CDH23: variants seen among roughly 807,000 people sequenced by gnomAD.
CDH23 encodes the protein cadherin related 23.
A neutral mutation model predicts 317.1 loss-of-function variants in CDH23; 189 were observed. The ratio of observed to expected loss-of-function variants is 0.60; its 90% CI spans 0.53 to 0.67. The LOEUF (loss-of-function observed/expected upper bound fraction) is 0.67, where lower values mean the gene tolerates loss of function less well. Ranked by LOEUF, CDH23 falls within the 30% of genes least tolerant of loss-of-function variation. The pLI is 0.00. For synonymous variants in CDH23, 1,839 were observed against 1,876.8 expected (o/e 0.98, Z 0.52); for missense variants, 4,401 against 4,592.4 (o/e 0.96, Z 1.20).
chr10:71,484,206 AATGC>A (rs1418145594), intron 3 of CDH23, among the ~76,000 whole-genome samples: 1 of 152,180 alleles, frequency 6.6e-6, no homozygotes, highest in Non-Finnish European at 1.5e-5. Context: ...TAATAACTGT[AATGC>A]CAGCATCATT....
At position 71,793,392 on chromosome 10, in the gene CDH23, C is replaced by CG; in HGVS notation, c.6467dup (p.Thr2157HisfsTer10). On this transcript the variant is annotated frameshift_variant, in exon 48 of 70. Coordinates refer to ENST00000224721, the MANE Select transcript of CDH23 (RefSeq NM_022124.6). LOFTEE classifies it high-confidence loss of function. ...ACCGACCGGGGCACCGTTCCTCTCT[C>CG]GGGCACAGCCATTGTCACCATTCTG... 1 of 1,613,992 alleles carries CG rather than the reference C, an allele frequency of 6.2e-7. No homozygotes were observed.
chr10:71,681,943 G>A (rs531342728), intron 17 of CDH23, among the ~76,000 whole-genome samples: 2 of 152,328 alleles, frequency 1.3e-5, no homozygotes, highest in East Asian at 3.9e-4. Flanking sequence ...CCTGGAGAGA[G>A]GAGTAGTGAC....
At chr10:71,587,171 C>T (rs957347218) in intron 9 of CDH23, among the ~76,000 whole-genome samples, 1 of 152,218 alleles carries the variant, frequency 6.6e-6, no homozygotes, top group Non-Finnish European at 1.5e-5. Flanking sequence ...GGCAAATGAG[C>T]GGCAGATCCA....
chr10:71,596,645 G>A (rs1859867495), intron 9 of CDH23, among the ~76,000 whole-genome samples: 1 of 152,220 alleles, frequency 6.6e-6, no homozygotes, highest in Non-Finnish European at 1.5e-5. Flanking sequence ...GGCAGCATGA[G>A]GGGTAACCAG....
chr10:71,781,308 A>G (rs934314401), intron 41 of CDH23, among the ~76,000 whole-genome samples: 6 of 152,196 alleles, frequency 3.9e-5, no homozygotes, highest in African/African-American at 1.4e-4. Context: ...CTGTTCGGAC[A>G]TGCTACCCTT....
chr10:71,534,443 G>T (rs1382175305), intron 6 of CDH23, among the ~76,000 whole-genome samples: 1 of 152,116 alleles, frequency 6.6e-6, no homozygotes, highest in Non-Finnish European at 1.5e-5. Context: ...CATCCTTGCT[G>T]CTCCCCTTAC....
chr10:71,664,540 G>T (rs1863806028), intron 14 of CDH23, among the ~76,000 whole-genome samples: 1 of 152,204 alleles, frequency 6.6e-6, no homozygotes, highest in Admixed American at 6.5e-5. Context: ...GCTGGCCTGG[G>T]AGGAGGCTCA....
intron 30 of CDH23, among the ~76,000 whole-genome samples, chr10:71,727,498 G>A (rs1351144590): frequency 1.3e-5 from 2 of 152,206 alleles, no homozygotes; most frequent in African/African-American, 4.8e-5. Context: ...CTGGCTTTCC[G>A]CTGGACTCAT....
intron 11 of CDH23, among the ~76,000 whole-genome samples, chr10:71,629,822 G>A (rs1002172013): frequency 2.6e-5 from 4 of 152,158 alleles, no homozygotes; most frequent in Non-Finnish European, 5.9e-5. Flanking sequence ...GGTTGGGGGA[G>A]AGAAATGGGG....
At chr10:71,755,363 G>T in intron 38 of CDH23, 1 of 1,608,374 alleles carries the variant, frequency 6.2e-7, no homozygotes, top group Non-Finnish European at 8.5e-7. Context: ...ACTCACGGCG[G>T]TTGGAGGCTG....
At chr10:71,509,375 T>C (rs993333697) in intron 3 of CDH23, among the ~76,000 whole-genome samples, 4 of 152,250 alleles carry the variant, frequency 2.6e-5, no homozygotes, top group South Asian at 2.1e-4. Flanking sequence ...TTAGCTCATA[T>C]AGCTGAGAAG....
intron 17 of CDH23, 75 bp from the exon 18 acceptor site, chr10:71,682,370 C>T: frequency 1.9e-6 from 3 of 1,566,850 alleles, no homozygotes; most frequent in African/African-American, 1.3e-5. Flanking sequence ...ACTTCTCTGC[C>T]CAAAGGGGAC....
rs1273172141 is a variant in CDH23, at chr10:71,809,842, C to T, written c.8745C>T (p.Arg2915=). The change falls in exon 61 of 70, where the codon CGC becomes CGT. Residue 2915 remains arginine, a synonymous_variant. Coordinates refer to ENST00000224721, the MANE Select transcript of CDH23 (RefSeq NM_022124.6). ...FTMGSMDGIL[R]TFDLFMAYSP... Reference sequence around the variant, plus strand: ...CAGGGAGCATGGACGGCATTCTGCGCACCTTCGACCTCTTCATGGCCTACA... The same window carrying T: ...CAGGGAGCATGGACGGCATTCTGCGTACCTTCGACCTCTTCATGGCCTACA... The T allele has an allele frequency of 6.2e-7, 1 of 1,612,938 alleles. No homozygotes were observed. Among genetic ancestry groups the T allele is most frequent in the Non-Finnish European group, 8.5e-7 (1 of 1,179,600 alleles).
intron 14 of CDH23, chr10:71,647,940 C>T (rs1862973111): frequency 6.6e-6 from 1 of 152,166 alleles, no homozygotes. Flanking sequence ...CCTGGGGCTC[C>T]CAGAGTCCTT....
At chr10:71,754,339 G>T (rs1208423879) in intron 38 of CDH23, among the ~76,000 whole-genome samples, 2 of 152,172 alleles carry the variant, frequency 1.3e-5, no homozygotes, top group African/African-American at 4.8e-5. Flanking sequence ...GGGGCCCCCG[G>T]GAATGAGGGG....
chr10:71,454,931 C>A (rs558207083), intron 3 of CDH23, among the ~76,000 whole-genome samples: 3 of 150,104 alleles, frequency 2.0e-5, no homozygotes, highest in Non-Finnish European at 4.4e-5. Context: ...CCTCAAACTT[C>A]TGGACTCAAG....
In CDH23 at chr10:71,806,185, C is replaced by G; in HGVS notation, c.8082C>G (p.Ser2694Arg). 1 of 1,564,882 alleles carries G rather than the reference C, an allele frequency of 6.4e-7. No individual in the cohort carries two copies. The highest frequency in any genetic ancestry group is 8.7e-7 in the Non-Finnish European group (1 of 1,155,538). Reference sequence around the variant, plus strand: ...GCTCCTAGCTCATCTTGGTGGCCAGCGACCTGGGCCAGCCAGTGCCATACG... The same window carrying G: ...GCTCCTAGCTCATCTTGGTGGCCAGGGACCTGGGCCAGCCAGTGCCATACG... ...QAVYSLILVA[S>R]DLGQPVPYET... Residue 2694 changes from serine (S) to arginine (R), a missense_variant, in exon 57 of 70, where the codon AGC becomes AGG. Ser to Arg is a moderately radical substitution (Grantham distance 110). Coordinates refer to ENST00000224721, the MANE Select transcript of CDH23 (RefSeq NM_022124.6).
Position 71,571,029 on chromosome 10 carries a change from C to A in CDH23, c.753+111C>A. On this transcript the variant is annotated intron_variant, in intron 8 of 69. Coordinates refer to ENST00000224721, the MANE Select transcript of CDH23 (RefSeq NM_022124.6). Reference sequence around the variant, plus strand: ...GGGCTGGGCTCCTCCTTGGCTCCTCCGCAGTCCCTGTGCGTGGCAGTGATG... The same window carrying A: ...GGGCTGGGCTCCTCCTTGGCTCCTCAGCAGTCCCTGTGCGTGGCAGTGATG... The A allele has an allele frequency of 7.3e-6, 9 of 1,238,146 alleles. No homozygotes were observed. The South Asian group carries it at 1.3e-4, about 17-fold the overall frequency. The allele number at this position is 1,238,146 out of a possible 1,614,324, so 76.7% of individuals were successfully genotyped here.
At position 71,705,054 on chromosome 10, in the gene CDH23, G is replaced by T; in HGVS notation, c.2877G>T (p.Ala959=). 1 of 1,612,624 alleles carries T rather than the reference G, an allele frequency of 6.2e-7. No individual in the cohort carries two copies. The highest frequency in any genetic ancestry group is 2.2e-5 in the East Asian group (1 of 44,870). Residue 959 remains alanine (A), a synonymous_variant, in exon 25 of 70, where the codon GCG becomes GCT. Transcript: ENST00000224721. ...CCGAGCTGGACCGCGAGCGCATCGCGGAGTACCAGCTGCGGGTGGTGGCCA... is the reference window on the plus strand; with the variant it reads ...CCGAGCTGGACCGCGAGCGCATCGCTGAGTACCAGCTGCGGGTGGTGGCCA... ...TTTELDRERI[A]EYQLRVVASD...
Sources: gnomAD v4.1 joint callset for allele counts (sites outside exome capture counted in the v4.1 genomes callset) on GRCh38, gnomAD v4.1.1 for gene constraint, MANE v1.5 for transcripts, NCBI Gene and HGNC (gene_info 2026-07-23, HGNC 2026-07-21) for gene names.